The following PRKCE variants were observed in gnomAD, a reference collection of about 807,000 sequenced individuals.
PRKCE encodes the protein protein kinase C epsilon.
A neutral mutation model predicts 85.4 loss-of-function variants in PRKCE; 16 were observed. The observed-to-expected ratio is 0.19, with a 90% CI of 0.13 to 0.28. PRKCE has a LOEUF of 0.28. PRKCE is among the 10% of genes least tolerant of loss of function. The probability of loss-of-function intolerance (pLI) is 1.00; values close to 1 mark genes in which losing one functional copy is unlikely to be tolerated. For synonymous variants in PRKCE, 388 were observed against 371.5 expected, an observed-to-expected ratio of 1.04 and a Z score of -0.51; for missense variants, 573 against 975.2, an observed-to-expected ratio of 0.59 and a Z score of 5.49.
At chr2:46,021,004 G>A (rs552101780) in intron 10 of PRKCE, among the ~76,000 whole-genome samples, 12 of 152,262 alleles carry the variant, frequency 7.9e-5, no homozygotes, top group East Asian at 5.8e-4. Flanking sequence ...ATTTGGTCAC[G>A]ATCACACGGA....
At chr2:45,845,430 A>G (rs1691704695) in intron 2 of PRKCE, 1 of 149,144 alleles carries the variant, frequency 6.7e-6, no homozygotes, top group South Asian at 2.1e-4. Context: ...TGAAAGGGAG[A>G]GAGTTGAAAT....
chr2:45,927,906 G>A (rs1258661841), intron 2 of PRKCE, among the ~76,000 whole-genome samples: 2 of 149,778 alleles, frequency 1.3e-5, no homozygotes, highest in Admixed American at 1.3e-4. Flanking sequence ...CTAAGTGACT[G>A]TAGCCTTCAC....
chr2:46,128,072 G>A (rs1674042392), intron 11 of PRKCE, among the ~76,000 whole-genome samples: 1 of 152,224 alleles, frequency 6.6e-6, no homozygotes, highest in African/African-American at 2.4e-5. Flanking sequence ...TAAAATGAAA[G>A]CAAGCAGGTA....
At chr2:45,733,075 G>A (rs541219196) in intron 1 of PRKCE, among the ~76,000 whole-genome samples, 18 of 152,256 alleles carry the variant, frequency 1.2e-4, no homozygotes, top group African/African-American at 4.3e-4. Flanking sequence ...ATAAACAAAG[G>A]CAGTGACTGA....
intron 1 of PRKCE, among the ~76,000 whole-genome samples, chr2:45,704,099 A>T (rs1678911887): frequency 6.6e-6 from 1 of 152,246 alleles, no homozygotes; most frequent in African/African-American, 2.4e-5. Flanking sequence ...GCATAGCTGA[A>T]TAGAAAAGGG....
At chr2:46,156,207 C>T (rs1340030849) in intron 13 of PRKCE, among the ~76,000 whole-genome samples, 5 of 152,250 alleles carry the variant, frequency 3.3e-5, no homozygotes, top group South Asian at 4.1e-4. Flanking sequence ...AGCCCTTCCC[C>T]GTCATCTGCT....
intron 1 of PRKCE, among the ~76,000 whole-genome samples, chr2:45,744,972 T>C (rs1476236871): frequency 6.6e-6 from 1 of 152,306 alleles, no homozygotes; most frequent in African/African-American, 2.4e-5. Context: ...CTCTGAAATC[T>C]GTATTTTTCC....
chr2:45,848,685 G>A (rs982159320), intron 2 of PRKCE, among the ~76,000 whole-genome samples: 1 of 150,808 alleles, frequency 6.6e-6, no homozygotes, highest in Non-Finnish European at 1.5e-5. Context: ...GGAGAAGGAA[G>A]TAGAAAATGG....
At chr2:45,768,769 A>G (rs1247979943) in intron 1 of PRKCE, among the ~76,000 whole-genome samples, 2 of 152,242 alleles carry the variant, frequency 1.3e-5, no homozygotes, top group Non-Finnish European at 1.5e-5. Context: ...GAATATGTGT[A>G]GGAATTATAG....
chr2:45,781,577 G>C (rs1235599864), intron 1 of PRKCE, among the ~76,000 whole-genome samples: 1 of 152,162 alleles, frequency 6.6e-6, no homozygotes, highest in African/African-American at 2.4e-5. Flanking sequence ...AACAGGTGCA[G>C]GGAGCTTTAC....
intron 2 of PRKCE, among the ~76,000 whole-genome samples, chr2:45,887,744 G>A (rs1456649189): frequency 6.6e-6 from 1 of 152,228 alleles, no homozygotes; most frequent in Non-Finnish European, 1.5e-5. Context: ...CCTGGATGCT[G>A]CAACATTGGC....
At chr2:45,912,976 A>G (rs1437810711) in intron 2 of PRKCE, among the ~76,000 whole-genome samples, 1 of 152,150 alleles carries the variant, frequency 6.6e-6, no homozygotes, top group Non-Finnish European at 1.5e-5. Flanking sequence ...TATCAAAAAT[A>G]TCTGGAACTG....
At chr2:45,883,076 C>T (rs1694998637) in intron 2 of PRKCE, among the ~76,000 whole-genome samples, 1 of 152,214 alleles carries the variant, frequency 6.6e-6, no homozygotes, top group African/African-American at 2.4e-5. Flanking sequence ...GGAAAAAAGC[C>T]TTCTATCTTC....
chr2:45,906,549 C>G (rs987694087), intron 2 of PRKCE, among the ~76,000 whole-genome samples: 2 of 152,198 alleles, frequency 1.3e-5, no homozygotes. Context: ...CAGTGTCTCC[C>G]CAAACACCTT....
intron 2 of PRKCE, among the ~76,000 whole-genome samples, chr2:45,846,107 A>AG (rs1479492906): frequency 2.0e-5 from 3 of 152,112 alleles, no homozygotes; most frequent in Non-Finnish European, 2.9e-5. Context: ...TAATAATCAC[A>AG]GGGGGTTCTG....
intron 1 of PRKCE, among the ~76,000 whole-genome samples, chr2:45,765,788 G>A (rs1684865145): frequency 6.6e-6 from 1 of 152,206 alleles, no homozygotes; most frequent in Non-Finnish European, 1.5e-5. Context: ...CCAGAACTGG[G>A]CTCTTGGCAG....
At chr2:45,763,712 C>T (rs990087018) in intron 1 of PRKCE, among the ~76,000 whole-genome samples, 2 of 152,104 alleles carry the variant, frequency 1.3e-5, no homozygotes, top group Non-Finnish European at 2.9e-5. Flanking sequence ...ACTCAGTGAG[C>T]GCTAAAGTCA....
intron 2 of PRKCE, among the ~76,000 whole-genome samples, chr2:45,849,301 T>C (rs1692052808): frequency 6.6e-6 from 1 of 152,136 alleles, no homozygotes; most frequent in South Asian, 2.1e-4. Flanking sequence ...TTTACAACTA[T>C]GACACTGAGG....
At chr2:46,074,641 A>G (rs1324573313) in intron 10 of PRKCE, among the ~76,000 whole-genome samples, 2 of 152,146 alleles carry the variant, frequency 1.3e-5, no homozygotes, top group Non-Finnish European at 2.9e-5. Context: ...TGGTACAGGA[A>G]CTGATAAGGT....
Sources: gnomAD v4.1 joint callset for allele counts (sites outside exome capture counted in the v4.1 genomes callset) on GRCh38, gnomAD v4.1.1 for gene constraint, MANE v1.5 for transcripts, NCBI Gene and HGNC (gene_info 2026-07-23, HGNC 2026-07-21) for gene names.